The following PRUNE2 variants were observed in gnomAD, a reference collection of about 807,000 sequenced individuals.
The protein encoded by PRUNE2 is prune homolog 2 with BCH domain.
PRUNE2 carries 164 observed loss-of-function variants against 252.0 expected under a neutral mutation model. That is an observed-to-expected ratio of 0.65 (90% CI 0.57 to 0.74). The LOEUF is 0.74. PRUNE2 is among the 30% of genes least tolerant of loss of function. PRUNE2 has a pLI of 0.00. For synonymous variants in PRUNE2, 1,292 were observed against 1,350.2 expected (o/e 0.96, Z 0.94); for missense variants, 3,495 against 3,711.0 (o/e 0.94, Z 1.51).
At chr9:76,870,927 A>G (rs1165966239) in intron 1 of PRUNE2, among the ~76,000 whole-genome samples, 1 of 152,226 alleles carries the variant, frequency 6.6e-6, no homozygotes, top group African/African-American at 2.4e-5. Context: ...CCATTCACAT[A>G]AAATCCAAAG....
chr9:76,828,651 G>C (rs1022339113), intron 4 of PRUNE2, among the ~76,000 whole-genome samples: 3 of 152,160 alleles, frequency 2.0e-5, no homozygotes, highest in African/African-American at 7.2e-5. Context: ...TTTGAAGGTG[G>C]AGGGCAGCCA....
intron 4 of PRUNE2, among the ~76,000 whole-genome samples, chr9:76,829,019 A>AG (rs1165142644): frequency 1.3e-5 from 2 of 150,508 alleles, no homozygotes; most frequent in Non-Finnish European, 3.0e-5. Context: ...TCTGTCTCAA[A>AG]AAAAAAAAAA....
At chr9:76,789,534 A>T (rs932184744) in intron 6 of PRUNE2, among the ~76,000 whole-genome samples, 4 of 152,114 alleles carry the variant, frequency 2.6e-5, no homozygotes, top group African/African-American at 9.7e-5. Context: ...TTGGTGGATC[A>T]GCAGCAATAT....
chr9:76,853,386 C>T (rs2060073143), intron 2 of PRUNE2, among the ~76,000 whole-genome samples: 2 of 152,176 alleles, frequency 1.3e-5, no homozygotes, highest in Admixed American at 1.3e-4. Context: ...AACACCTAGA[C>T]ACTCATAACA....
At chr9:76,829,752 T>G (rs544784797) in intron 4 of PRUNE2, among the ~76,000 whole-genome samples, 4 of 139,180 alleles carry the variant, frequency 2.9e-5, no homozygotes, top group African/African-American at 8.1e-5. Context: ...TTTTGTTTTG[T>G]TTTTTTTTTT....
intron 6 of PRUNE2, among the ~76,000 whole-genome samples, chr9:76,820,670 C>A (rs1340733558): frequency 6.6e-6 from 1 of 152,196 alleles, no homozygotes; most frequent in Admixed American, 6.5e-5. Context: ...CAACAGCTAA[C>A]GACTTTGCAA....
At chr9:76,868,845 G>GA (rs2061005425) in intron 1 of PRUNE2, 1 of 130,346 alleles carries the variant, frequency 7.7e-6, no homozygotes, top group East Asian at 2.8e-4. Flanking sequence ...GGTGGGGGGG[G>GA]GGGCGGGGGG....
intron 9 of PRUNE2, among the ~76,000 whole-genome samples, chr9:76,696,118 G>C (rs2045358596): frequency 6.6e-6 from 1 of 152,146 alleles, no homozygotes. Context: ...TCCGACGTCA[G>C]CAAGTATTCC....
chr9:76,851,267 G>T (rs1044184375), intron 2 of PRUNE2, among the ~76,000 whole-genome samples: 4 of 152,136 alleles, frequency 2.6e-5, no homozygotes, highest in Non-Finnish European at 5.9e-5. Context: ...AAATTAACGG[G>T]CTGGGTGCGA....
rs114019675 is a variant in PRUNE2 at position 76,695,881 on chromosome 9, A to G, written c.8276+7456T>C. ...AGATGCAACAGAATCAATTAAATAA[A>G]TAAGTAAATAGAAGATCTTTTCAGA... On this transcript the variant is annotated intron_variant, in intron 9 of 18. Coordinates refer to ENST00000376718, the MANE Select transcript of PRUNE2 (RefSeq NM_015225.3). Among the ~76,000 whole-genome samples the G allele has an allele frequency of 9.6e-3, 1,455 of 152,168 alleles. 19 individuals are homozygous for G. Among genetic ancestry groups the G allele is most frequent in the African/African-American group, 0.033 (1,355 of 41,528 alleles).
At chr9:76,798,666 T>C in intron 6 of PRUNE2, among the ~76,000 whole-genome samples, 1 of 152,110 alleles carries the variant, frequency 6.6e-6, no homozygotes, top group South Asian at 2.1e-4. Context: ...AATTAAACAG[T>C]GGCATATTCT....
chr9:76,902,865 C>A (rs1370761161), intron 1 of PRUNE2, among the ~76,000 whole-genome samples: 1 of 152,096 alleles, frequency 6.6e-6, no homozygotes, highest in Non-Finnish European at 1.5e-5. Context: ...ACTGAGTATT[C>A]TCAGGAGGGA....
intron 6 of PRUNE2, among the ~76,000 whole-genome samples, chr9:76,780,262 C>T (rs952412091): frequency 5.9e-5 from 9 of 152,218 alleles, no homozygotes; most frequent in Non-Finnish European, 1.2e-4. Flanking sequence ...GAAGCAGCTG[C>T]GCACTCCCCC....
chr9:76,841,003 C>T (rs1366747163), intron 4 of PRUNE2, among the ~76,000 whole-genome samples: 2 of 152,132 alleles, frequency 1.3e-5, no homozygotes, highest in African/African-American at 2.4e-5. Context: ...AAAGATTGTC[C>T]CTAGGTGGCT....
chr9:76,739,810 GC>G (rs1361215883), intron 6 of PRUNE2: 1 of 152,204 alleles, frequency 6.6e-6, no homozygotes, highest in Non-Finnish European at 1.5e-5. Context: ...TATCCACCAG[GC>G]GCGGTGGCTC....
intron 16 of PRUNE2, among the ~76,000 whole-genome samples, chr9:76,627,578 T>G (rs1017395610): frequency 6.6e-6 from 1 of 152,130 alleles, no homozygotes; most frequent in Non-Finnish European, 1.5e-5. Flanking sequence ...TTGATTCAGC[T>G]GAGCCCAGCT....
chr9:76,858,762 A>C (rs2060395117), intron 1 of PRUNE2, among the ~76,000 whole-genome samples: 1 of 151,802 alleles, frequency 6.6e-6, no homozygotes, highest in African/African-American at 2.4e-5. Flanking sequence ...TATAATTAAA[A>C]AAAAAAAAAA....
intron 6 of PRUNE2, among the ~76,000 whole-genome samples, chr9:76,791,338 T>A (rs56328403): frequency 0.057 from 13 of 228 alleles, no homozygotes; most frequent in African/African-American, 0.062. Context: ...CTGCACCAAT[T>A]ATCATTGGTA....
At chr9:76,738,257 G>A (rs921446095) in intron 6 of PRUNE2, 2 of 152,132 alleles carry the variant, frequency 1.3e-5, no homozygotes, top group South Asian at 2.1e-4. Flanking sequence ...GTTTAAACAC[G>A]GGTTTTTTCA....
Sources: gnomAD v4.1 joint callset for allele counts (sites outside exome capture counted in the v4.1 genomes callset) on GRCh38, gnomAD v4.1.1 for gene constraint, MANE v1.5 for transcripts, NCBI Gene and HGNC (gene_info 2026-07-23, HGNC 2026-07-21) for gene names.